The following PATJ variants were observed in gnomAD, a reference collection of about 807,000 sequenced individuals.
PATJ encodes PATJ crumbs cell polarity complex component.
In PATJ, 190 loss-of-function variants were observed where a neutral mutation model predicts 224.9. The observed-to-expected ratio is 0.84, with a 90% CI of 0.75 to 0.95. The LOEUF (loss-of-function observed/expected upper bound fraction) is 0.95, where lower values mean the gene tolerates loss of function less well. Among genes scored for constraint, PATJ ranks in the 40% least tolerant of loss-of-function variants. The pLI, the probability that PATJ is intolerant of heterozygous loss-of-function variation, is 0.00. For synonymous variants in PATJ, 769 were observed against 820.3 expected (o/e 0.94, Z 1.07); for missense variants, 2,121 against 2,270.3 (o/e 0.93, Z 1.34).
chr1:61,846,090 T>A (rs1411261091), intron 17 of PATJ: 1 of 152,162 alleles, frequency 6.6e-6, no homozygotes, highest in Non-Finnish European at 1.5e-5. Flanking sequence ...ATCTTTTCCA[T>A]CATAATTCTC....
intron 14 of PATJ, among the ~76,000 whole-genome samples, chr1:61,821,551 A>C (rs1456140701): frequency 6.6e-6 from 1 of 152,174 alleles, no homozygotes; most frequent in Non-Finnish European, 1.5e-5. Context: ...GTGAGACAGA[A>C]GTGAGCCTCA....
intron 18 of PATJ, among the ~76,000 whole-genome samples, chr1:61,857,392 A>G (rs1280166294): frequency 2.0e-5 from 3 of 152,224 alleles, no homozygotes; most frequent in African/African-American, 7.2e-5. Flanking sequence ...GAATTGAGTA[A>G]CTTACCCAAG....
At chr1:61,905,750 C>G (rs551010867) in intron 24 of PATJ, among the ~76,000 whole-genome samples, 4 of 152,252 alleles carry the variant, frequency 2.6e-5, no homozygotes, top group Middle Eastern at 3.4e-3. Flanking sequence ...TCTTACCAAC[C>G]TTTTCCCTTT....
intron 30 of PATJ, among the ~76,000 whole-genome samples, chr1:62,046,617 T>C (rs186901292): frequency 1.3e-3 from 204 of 152,316 alleles, no homozygotes; most frequent in African/African-American, 4.8e-3. Context: ...TCAAGGATCT[T>C]TCAGTCCCGT....
At position 62,050,041 on chromosome 1, in the gene PATJ, G is replaced by A. The variant is rs547140489; in HGVS notation, c.4033-925G>A. Among the ~76,000 whole-genome samples, 82 of 151,378 alleles carry A rather than the reference G, an allele frequency of 5.4e-4. 1 individual carries two copies. In the South Asian group the frequency reaches 0.015, roughly 28 times the overall value. The stretch of plus-strand genomic sequence containing the variant: ...TGAGGCACAAGAATCACTTGAACCC[G>A]GGAGGCGAAGGTTGCAGTGAGCGGA... On this transcript the variant is annotated intron_variant, in intron 30 of 43. Transcript: ENST00000642238.
chr1:61,861,432 C>T (rs1423711492), intron 18 of PATJ, 119 bp from the exon 19 acceptor site: 11 of 535,404 alleles, frequency 2.1e-5, no homozygotes, highest in Admixed American at 3.9e-5. Flanking sequence ...ACTTATCAAC[C>T]CATCATCTAG....
At chr1:61,893,300 G>A in intron 22 of PATJ, among the ~76,000 whole-genome samples, 1 of 152,096 alleles carries the variant, frequency 6.6e-6, no homozygotes, top group Non-Finnish European at 1.5e-5. Context: ...ATCATTTTGT[G>A]ACATACTTTG....
At chr1:61,943,532 G>A (rs960726285) in intron 27 of PATJ, among the ~76,000 whole-genome samples, 11 of 152,174 alleles carry the variant, frequency 7.2e-5, no homozygotes, top group Non-Finnish European at 8.8e-5. Flanking sequence ...CAGTGAGGCT[G>A]GGGGAGGGGT....
At chr1:62,017,990 C>G (rs759214304) in intron 29 of PATJ, 43 bp downstream of exon 29, 1 of 1,039,114 alleles carries the variant, frequency 9.6e-7, no homozygotes, top group Non-Finnish European at 1.5e-6. Context: ...AAGACCTCTT[C>G]TGAAGATGTT....
chr1:61,985,613 G>A (rs1644713038), intron 27 of PATJ, among the ~76,000 whole-genome samples: 1 of 151,992 alleles, frequency 6.6e-6, no homozygotes, highest in African/African-American at 2.4e-5. Context: ...CAATTGTAAA[G>A]CTGTTTGAGT....
intron 31 of PATJ, among the ~76,000 whole-genome samples, chr1:62,078,572 C>G (rs1658724001): frequency 6.6e-6 from 1 of 152,034 alleles, no homozygotes; most frequent in Non-Finnish European, 1.5e-5. Context: ...AGGCGTGAGC[C>G]ACCATGCCTG....
chr1:61,748,540 G>A (rs1397414608), intron 1 of PATJ, among the ~76,000 whole-genome samples: 1 of 152,064 alleles, frequency 6.6e-6, no homozygotes. Flanking sequence ...ACAGGCGTGA[G>A]CCACTGCGCC....
intron 27 of PATJ, among the ~76,000 whole-genome samples, chr1:61,941,010 C>T (rs1677738436): frequency 6.6e-6 from 1 of 152,078 alleles, no homozygotes; most frequent in Non-Finnish European, 1.5e-5. Context: ...TCTTCTTACT[C>T]TTTATTTTCC....
chr1:61,878,572 G>A (rs1667652451), intron 21 of PATJ, among the ~76,000 whole-genome samples: 1 of 151,948 alleles, frequency 6.6e-6, no homozygotes, highest in South Asian at 2.1e-4. Flanking sequence ...GGCTGGGTGT[G>A]GTGGCTCACA....
At chr1:61,868,770 CAGAG>C (rs1382903992) in intron 20 of PATJ, among the ~76,000 whole-genome samples, 1 of 151,878 alleles carries the variant, frequency 6.6e-6, no homozygotes, top group Admixed American at 6.6e-5. Context: ...GCCTGGGCAA[CAGAG>C]AGAGACTCCG....
chr1:61,847,349 T>G (rs114106696), intron 17 of PATJ, among the ~76,000 whole-genome samples: 13 of 152,366 alleles, frequency 8.5e-5, no homozygotes, highest in African/African-American at 3.1e-4. Context: ...CTTTGTCCAC[T>G]TCTCTTCCAT....
chr1:62,148,121 T>TAAAA (rs59697245), intron 41 of PATJ, among the ~76,000 whole-genome samples, 163 bp from the exon 42 acceptor site: 1 of 118,456 alleles, frequency 8.4e-6, no homozygotes, highest in Non-Finnish European at 1.8e-5. Flanking sequence ...ACACTGTCTT[T>TAAAA]AAAAAAAAAA....
chr1:61,979,656 G>GAAAA (rs3060965), intron 27 of PATJ, among the ~76,000 whole-genome samples: 6 of 137,142 alleles, frequency 4.4e-5, no homozygotes, highest in Non-Finnish European at 4.8e-5. Flanking sequence ...CGTCTCAAAA[G>GAAAA]AAAAAAAAAA....
chr1:61,883,827 A>G (rs1170328193), intron 21 of PATJ, among the ~76,000 whole-genome samples: 1 of 146,078 alleles, frequency 6.8e-6, no homozygotes, highest in Non-Finnish European at 1.5e-5. Context: ...TAAAAATAGA[A>G]GTGATTTAAT....
Sources: gnomAD v4.1 joint callset for allele counts (sites outside exome capture counted in the v4.1 genomes callset) on GRCh38, gnomAD v4.1.1 for gene constraint, MANE v1.5 for transcripts, NCBI Gene and HGNC (gene_info 2026-07-23, HGNC 2026-07-21) for gene names.